Variants in SLC44A5 observed in about 807,000 individuals in gnomAD.
SLC44A5 encodes the protein solute carrier family 44 member 5.
SLC44A5 carries 57 observed loss-of-function variants against 101.8 expected under a neutral mutation model. The ratio of observed to expected loss-of-function variants is 0.56; its 90% confidence interval spans 0.45 to 0.70. The LOEUF (loss-of-function observed/expected upper bound fraction) is 0.70, where lower values mean the gene tolerates loss of function less well. Among genes scored for constraint, SLC44A5 ranks in the 30% least tolerant of loss-of-function variants. The probability of loss-of-function intolerance (pLI) is 0.00; values close to 1 mark genes in which losing one functional copy is unlikely to be tolerated. For synonymous variants in SLC44A5, 281 were observed against 290.9 expected (o/e 0.97, Z 0.35); for missense variants, 737 against 853.1 (o/e 0.86, Z 1.70).
rs1647252104 is a variant in SLC44A5 at position 75,227,856 on chromosome 1, T to A, written c.855A>T (p.Gly285=). The stretch of plus-strand genomic sequence containing the variant: ...TGTACTGCTGGTAACAGTGCCATAT[T>A]CCTTGAAAAAGAAAGAAAAACAGAA... ...MIGVIGIIGY[G]IWHCYQQYTN... is the part of the protein sequence containing the mutation. The change falls in exon 13 of 24, where the codon GGA becomes GGT. Residue 285 remains glycine (G), a splice_region_variant and synonymous_variant. Coordinates refer to ENST00000370859, the MANE Select transcript of SLC44A5 (RefSeq NM_001130058.2). 2 of 1,581,510 alleles carry A rather than the reference T, an allele frequency of 1.3e-6. No homozygotes were observed. Among genetic ancestry groups the A allele is most frequent in the Non-Finnish European group, 8.5e-7 (1 of 1,171,296 alleles).
At chr1:75,386,255 G>C (rs1212454331) in intron 3 of SLC44A5, among the ~76,000 whole-genome samples, 2 of 152,126 alleles carry the variant, frequency 1.3e-5, no homozygotes, top group Admixed American at 6.5e-5. Context: ...ATTAGGAAAA[G>C]AGGAAGTCAA....
In SLC44A5 at chr1:75,202,333, TCA is replaced by T. The variant is rs2100411341; in HGVS notation, c.*1392_*1393del. ...ATTTTTGGCATAAAAGTATCTAAAGTCACATTTAAACAAATGTGATAATATTT... is the reference window on the plus strand; with the variant it reads ...ATTTTTGGCATAAAAGTATCTAAAGTCATTTAAACAAATGTGATAATATTT... On this transcript the variant is annotated 3_prime_UTR_variant, in exon 24 of 24. Coordinates refer to ENST00000370859, the MANE Select transcript of SLC44A5 (RefSeq NM_001130058.2). 6.6e-6 allele frequency: 1 copy of T among 152,248 alleles called. No individual in the cohort carries two copies. The highest frequency in any genetic ancestry group is 2.1e-4 in the South Asian group (1 of 4,818). The allele number at this position is 152,248 out of a possible 1,614,324, so 9.4% of individuals were successfully genotyped here.
At chr1:75,440,808 A>G (rs940729358) in intron 2 of SLC44A5, among the ~76,000 whole-genome samples, 6 of 152,096 alleles carry the variant, frequency 3.9e-5, no homozygotes, top group Admixed American at 1.3e-4. Flanking sequence ...AACTCAATTT[A>G]CCAGCAATAG....
chr1:75,281,283 A>G (rs959727918), intron 5 of SLC44A5, among the ~76,000 whole-genome samples: 3 of 152,128 alleles, frequency 2.0e-5, no homozygotes, highest in African/African-American at 4.8e-5. Flanking sequence ...TTTAGCAAGG[A>G]GAATGGCAGC....
At chr1:75,414,888 G>A (rs1663537815) in intron 2 of SLC44A5, among the ~76,000 whole-genome samples, 1 of 152,186 alleles carries the variant, frequency 6.6e-6, no homozygotes, top group African/African-American at 2.4e-5. Context: ...GGCCTTGTAG[G>A]CTAGAATTTT....
At position 75,281,550 on chromosome 1, in the gene SLC44A5, A is replaced by G. The variant is rs199940455; in HGVS notation, c.176-6508T>C. On this transcript the variant is annotated intron_variant, in intron 5 of 23. Transcript: ENST00000370859. ...CCAAGATAAAGGGGAAAATGTCTCCAGGGCATGTCAAAGACTTGAAAGGCA... is the reference window on the plus strand; with the variant it reads ...CCAAGATAAAGGGGAAAATGTCTCCGGGGCATGTCAAAGACTTGAAAGGCA... Among the ~76,000 whole-genome samples, 15 of 149,022 alleles carry G rather than the reference A, an allele frequency of 1.0e-4. No homozygotes were observed. The East Asian group carries it at 2.7e-3, about 27-fold the overall frequency.
At chr1:75,436,269 T>C (rs550195754) in intron 2 of SLC44A5, among the ~76,000 whole-genome samples, 1 of 152,244 alleles carries the variant, frequency 6.6e-6, no homozygotes, top group African/African-American at 2.4e-5. Context: ...ATTTAAGTAA[T>C]AGGGTAAATG....
intron 2 of SLC44A5, among the ~76,000 whole-genome samples, chr1:75,502,220 C>T (rs1042618564): frequency 3.9e-5 from 6 of 152,118 alleles, no homozygotes; most frequent in Non-Finnish European, 8.8e-5. Context: ...CATGCACATA[C>T]ACACACATGA....
intron 5 of SLC44A5, among the ~76,000 whole-genome samples, chr1:75,287,545 GT>G (rs1365770286): frequency 7.3e-6 from 1 of 137,482 alleles, no homozygotes; most frequent in Non-Finnish European, 1.5e-5. Context: ...TACTAGAATT[GT>G]TTTTCTGGTT....
chr1:75,316,911 T>G (rs116559747), intron 4 of SLC44A5, among the ~76,000 whole-genome samples: 1 of 152,110 alleles, frequency 6.6e-6, no homozygotes, highest in Non-Finnish European at 1.5e-5. Context: ...ATGTGTAAGG[T>G]TGAGCCAGCA....
chr1:75,348,827 G>A (rs1018128496), intron 3 of SLC44A5, among the ~76,000 whole-genome samples: 7 of 152,172 alleles, frequency 4.6e-5, no homozygotes, highest in Middle Eastern at 6.8e-3. Flanking sequence ...AGAAATAAAA[G>A]ACAAACTTGT....
intron 3 of SLC44A5, among the ~76,000 whole-genome samples, chr1:75,340,642 C>T (rs1418887153): frequency 6.6e-6 from 1 of 152,206 alleles, no homozygotes; most frequent in Non-Finnish European, 1.5e-5. Context: ...CCCCAATCCA[C>T]AGGAGTAGGT....
In SLC44A5 at chr1:75,213,780, G is replaced by T; in HGVS notation, c.1887C>A (p.Phe629Leu). 2 of 1,611,942 alleles carry T rather than the reference G, an allele frequency of 1.2e-6. No homozygotes were observed. Among genetic ancestry groups the T allele is most frequent in the East Asian group, 2.2e-5 (1 of 44,816 alleles). ...LVAGSIGVLA[F>L]LFFTQRLPVI... Reference sequence around the variant, plus strand: ...CTGGCAGTCTTTGTGTGAAGAATAGGAAGGCCAGAACACCTACATTGAAAA... The same window carrying T: ...CTGGCAGTCTTTGTGTGAAGAATAGTAAGGCCAGAACACCTACATTGAAAA... The change falls in exon 22 of 24, where the codon TTC becomes TTA. Residue 629 changes from phenylalanine to leucine, a missense_variant. Phe to Leu is a conservative substitution (Grantham distance 22, BLOSUM62 0). Around this residue, in one of 3 missense-constraint regions of SLC44A5, gnomAD observed 665 missense variants for 764.4 expected, o/e 0.87. Coordinates refer to ENST00000370859, the MANE Select transcript of SLC44A5 (RefSeq NM_001130058.2).
chr1:75,365,537 GT>G (rs1659795943), intron 3 of SLC44A5, among the ~76,000 whole-genome samples: 1 of 152,124 alleles, frequency 6.6e-6, no homozygotes, highest in Non-Finnish European at 1.5e-5. Flanking sequence ...CCATTACTGG[GT>G]ATATACCCAA....
At chr1:75,621,243 T>C in the SLC44A5 span, among the ~76,000 whole-genome samples, 2 of 152,166 alleles carry the variant, frequency 1.3e-5, no homozygotes, top group African/African-American at 2.4e-5. Context: ...TAAAGGATAG[T>C]TCTGAATGAA....
intron 2 of SLC44A5, among the ~76,000 whole-genome samples, chr1:75,533,483 T>C (rs1298464526): frequency 6.6e-6 from 1 of 152,060 alleles, no homozygotes; most frequent in Non-Finnish European, 1.5e-5. Flanking sequence ...ATCTGACAAA[T>C]AGAGCCAGGG....
At position 75,255,700 on chromosome 1, in the gene SLC44A5, A is replaced by C. The variant is rs185275042; in HGVS notation, c.261-4406T>G. Among the ~76,000 whole-genome samples, 22 of 152,292 alleles carry C rather than the reference A, an allele frequency of 1.4e-4. No individual in the cohort carries two copies. The East Asian group carries it at 4.2e-3, about 29-fold the overall frequency. Reference sequence around the variant, plus strand: ...GGACTTACTAAGGACTCAAAGAAAGAATTAAACAGGCCTCTATCAAATTGT... The same window carrying C: ...GGACTTACTAAGGACTCAAAGAAAGCATTAAACAGGCCTCTATCAAATTGT... On this transcript the variant is annotated intron_variant, in intron 6 of 23. Coordinates refer to ENST00000370859, the MANE Select transcript of SLC44A5 (RefSeq NM_001130058.2).
chr1:75,590,664 G>A (rs1401643415), intron 1 of SLC44A5, among the ~76,000 whole-genome samples: 1 of 152,182 alleles, frequency 6.6e-6, no homozygotes, highest in African/African-American at 2.4e-5. Flanking sequence ...TGATAGTCTG[G>A]CAGTAGTCCT....
chr1:75,295,026 C>T (rs900504809), intron 5 of SLC44A5, among the ~76,000 whole-genome samples: 1 of 152,102 alleles, frequency 6.6e-6, no homozygotes, highest in African/African-American at 2.4e-5. Flanking sequence ...CTTAACTGTT[C>T]TTTCCAAACT....
Sources: allele counts gnomAD v4.1 joint callset (sites outside exome capture counted in the v4.1 genomes callset), GRCh38; gene constraint gnomAD v4.1.1; regional missense constraint gnomAD v4.1.1; transcripts MANE v1.5; gene names NCBI Gene and HGNC (gene_info 2026-07-23, HGNC 2026-07-21).